The following RTN1 variants were observed in gnomAD, a reference collection of about 807,000 sequenced individuals.
The protein encoded by RTN1 is reticulon-1.
Under a neutral mutation model 65.5 loss-of-function variants are expected in RTN1, and 25 were observed. The observed-to-expected ratio is 0.38, with a 90% CI of 0.28 to 0.53. RTN1 has a LOEUF of 0.53. RTN1 is among the 20% of genes least tolerant of loss of function. RTN1 has a pLI of 0.79. For synonymous variants in RTN1, 471 were observed against 447.6 expected (o/e 1.05, Z -0.66); for missense variants, 983 against 1,025.4 (o/e 0.96, Z 0.57).
chr14:59,615,700 G>T (rs1304113763), intron 3 of RTN1, among the ~76,000 whole-genome samples: 1 of 152,134 alleles, frequency 6.6e-6, no homozygotes, highest in Non-Finnish European at 1.5e-5. Flanking sequence ...ATGCAAACAT[G>T]AAATATGTTT....
chr14:59,695,984 A>T (rs1324005196), intron 3 of RTN1, among the ~76,000 whole-genome samples: 3 of 151,994 alleles, frequency 2.0e-5, no homozygotes, highest in Non-Finnish European at 4.4e-5. Context: ...TAGTTTTTTT[A>T]TATATATAAA....
chr14:59,683,079 C>T (rs193011102), intron 3 of RTN1, among the ~76,000 whole-genome samples: 5 of 152,214 alleles, frequency 3.3e-5, no homozygotes, highest in Admixed American at 2.0e-4. Context: ...TCCTTACTAA[C>T]GCATTATTTT....
intron 1 of RTN1, among the ~76,000 whole-genome samples, chr14:59,806,643 T>G (rs1397580632): frequency 6.6e-6 from 1 of 152,174 alleles, no homozygotes; most frequent in African/African-American, 2.4e-5. Flanking sequence ...TAAGCCCCAC[T>G]GTCTGTTGTT....
At chr14:59,663,393 A>T (rs1266373022) in intron 3 of RTN1, among the ~76,000 whole-genome samples, 1 of 152,186 alleles carries the variant, frequency 6.6e-6, no homozygotes, top group East Asian at 1.9e-4. Context: ...AAGAAAACCT[A>T]GGCAATACCA....
chr14:59,773,385 G>C (rs1339760232), intron 1 of RTN1, among the ~76,000 whole-genome samples: 9 of 152,028 alleles, frequency 5.9e-5, no homozygotes, highest in Non-Finnish European at 1.0e-4. Flanking sequence ...CACTATTGTG[G>C]TTCCAAGAAT....
intron 3 of RTN1, among the ~76,000 whole-genome samples, chr14:59,612,687 T>C (rs1370819627): frequency 6.6e-6 from 1 of 152,174 alleles, no homozygotes; most frequent in Non-Finnish European, 1.5e-5. Flanking sequence ...CTGAAACCAG[T>C]ACTGTATAAA....
intron 1 of RTN1, among the ~76,000 whole-genome samples, chr14:59,852,177 C>T (rs753010346): frequency 2.0e-5 from 3 of 152,138 alleles, no homozygotes; most frequent in Admixed American, 6.5e-5. Flanking sequence ...AAATTTTCTA[C>T]GTATAATGGC....
Position 59,672,450 on chromosome 14 carries a change from C to T in RTN1, c.1765+54469G>A, listed in dbSNP as rs572507120. On this transcript the variant is annotated intron_variant, in intron 3 of 8. Transcript: ENST00000267484. ...TTATTATGCTTTTACTATGGTGCTT[C>T]GAGTTTCATAATAATCCACATAAAG... Among the ~76,000 whole-genome samples, 21 of 152,066 alleles carry T rather than the reference C, an allele frequency of 1.4e-4. No individual in the cohort carries two copies. In the South Asian group the frequency reaches 3.1e-3, roughly 23 times the overall value.
At chr14:59,718,530 C>A (rs1884584901) in intron 3 of RTN1, among the ~76,000 whole-genome samples, 2 of 152,318 alleles carry the variant, frequency 1.3e-5, no homozygotes, top group South Asian at 4.1e-4. Context: ...ACCTATCTCA[C>A]TAAGGGTCTT....
At position 59,727,483 on chromosome 14, in the gene RTN1, G is replaced by A; in HGVS notation, c.1201C>T (p.His401Tyr). 1 of 1,584,138 alleles carries A rather than the reference G, an allele frequency of 6.3e-7. No individual in the cohort carries two copies. Among genetic ancestry groups the A allele is most frequent in the Non-Finnish European group, 8.6e-7 (1 of 1,165,860 alleles). ...GPPTIPSPLDHEASSAESGDS... is the reference protein window; with the variant it reads ...GPPTIPSPLDYEASSAESGDS... The stretch of plus-strand genomic sequence containing the variant: ...CCCGACTCCGCGCTGCTGGCCTCGT[G>A]GTCCAGGGGGCTGGGGATGGTTGGC... The change falls in exon 3 of 9, where the codon CAC (histidine) becomes TAC (tyrosine). Residue 401 changes from histidine (H) to tyrosine (Y), a missense_variant. His to Tyr is a moderately conservative substitution (Grantham distance 83). Transcript: ENST00000267484. This position sits in a 1 kb window ranked among gnomAD's most constrained non-coding sequence, Gnocchi z 4.2.
Position 59,838,645 on chromosome 14 carries a change from T to G in RTN1, c.241+31745A>C, listed in dbSNP as rs76528706. Among the ~76,000 whole-genome samples, 752 of 152,294 alleles carry G rather than the reference T, an allele frequency of 4.9e-3. 6 individuals are homozygous for G. Among genetic ancestry groups the G allele is most frequent in the African/African-American group, 0.017 (716 of 41,560 alleles). ...CACAGAAGATGATCCCAAATGTTTT[T>G]GGCACACACGTATATATGTCTGTAT... On this transcript the variant is annotated intron_variant, in intron 1 of 8. Transcript: ENST00000267484.
At chr14:59,630,698 T>A in intron 3 of RTN1, 1 of 1,158,554 alleles carries the variant, frequency 8.6e-7, no homozygotes, top group South Asian at 4.1e-5. Context: ...CGGCAGCGAA[T>A]CAGCGCGGCG....
At chr14:59,749,491 CTATA>C (rs1337811128) in intron 1 of RTN1, among the ~76,000 whole-genome samples, 2 of 69,230 alleles carry the variant, frequency 2.9e-5, no homozygotes, top group African/African-American at 7.8e-5. Flanking sequence ...CTATATATAT[CTATA>C]TATATCTATA....
intron 5 of RTN1, 153 bp downstream of exon 5, chr14:59,605,215 C>T (rs1881704355): frequency 1.4e-6 from 1 of 713,464 alleles, no homozygotes; most frequent in Non-Finnish European, 2.2e-6. Context: ...AGGGATTAGA[C>T]TGGTTCATGG....
At chr14:59,756,134 G>C (rs1885632234) in intron 1 of RTN1, among the ~76,000 whole-genome samples, 1 of 152,196 alleles carries the variant, frequency 6.6e-6, no homozygotes, top group Non-Finnish European at 1.5e-5. Flanking sequence ...AGAGTCCTCA[G>C]TAGTGCCTTG....
chr14:59,853,288 C>CA (rs1207887458), intron 1 of RTN1, among the ~76,000 whole-genome samples: 4 of 152,176 alleles, frequency 2.6e-5, no homozygotes, highest in Non-Finnish European at 5.9e-5. Context: ...TCTCCAGTAA[C>CA]AAAAAACTCA....
chr14:59,630,548 G>T (rs1389404080), intron 3 of RTN1: 2 of 1,610,436 alleles, frequency 1.2e-6, no homozygotes, highest in Admixed American at 1.7e-5. Context: ...CCTCGGGGGC[G>T]CCGAGCGTGC....
At chr14:59,863,102 GAC>G (rs1011416098) in intron 1 of RTN1, among the ~76,000 whole-genome samples, 2 of 151,856 alleles carry the variant, frequency 1.3e-5, no homozygotes, top group Non-Finnish European at 2.9e-5. Flanking sequence ...CTCATTCAGA[GAC>G]ACAGTTTCAG....
intron 1 of RTN1, among the ~76,000 whole-genome samples, chr14:59,815,482 G>A (rs907251575): frequency 2.0e-5 from 3 of 152,106 alleles, no homozygotes; most frequent in Admixed American, 2.0e-4. Flanking sequence ...AGTTGCCATG[G>A]TCTCTCTAGT....
Sources: allele counts gnomAD v4.1 joint callset (sites outside exome capture counted in the v4.1 genomes callset), GRCh38; gene constraint gnomAD v4.1.1; non-coding constraint Gnocchi (gnomAD v3.1); transcripts MANE v1.5; gene names NCBI Gene and HGNC (gene_info 2026-07-23, HGNC 2026-07-21).